PAG1: variants seen among roughly 807,000 people sequenced by gnomAD.
PAG1 encodes phosphoprotein associated with glycosphingolipid-enriched microdomains 1.
Under a neutral mutation model 31.7 loss-of-function variants are expected in PAG1, and 23 were observed. That is an observed-to-expected ratio of 0.73 (90% CI 0.52 to 1.03). PAG1 has a LOEUF of 1.03. PAG1 is among the 50% of genes least tolerant of loss of function. The probability of loss-of-function intolerance (pLI) is 0.00; values close to 1 mark genes in which losing one functional copy is unlikely to be tolerated. For missense variants in PAG1, 473 were observed against 540.7 expected (o/e 0.87, Z 1.24); for synonymous variants, 214 against 210.3 (o/e 1.02, Z -0.15).
intron 3 of PAG1, among the ~76,000 whole-genome samples, chr8:80,994,228 A>G (rs1807625502): frequency 6.6e-6 from 1 of 152,090 alleles, no homozygotes; most frequent in Admixed American, 6.5e-5. Context: ...ATTCACCTGC[A>G]TTTATTTATT....
chr8:81,035,525 A>C (rs1246578064), intron 2 of PAG1, among the ~76,000 whole-genome samples: 1 of 152,216 alleles, frequency 6.6e-6, no homozygotes, highest in Non-Finnish European at 1.5e-5. Flanking sequence ...GAGAGAGTAT[A>C]ATTAGTGATG....
chr8:81,044,657 A>C (rs16908458), intron 2 of PAG1, among the ~76,000 whole-genome samples: 6 of 151,580 alleles, frequency 4.0e-5, no homozygotes, highest in Non-Finnish European at 7.4e-5. Flanking sequence ...GTCAAGTCCA[A>C]CTCCTTAGAG....
Position 80,972,564 on chromosome 8 carries a change from T to A in PAG1, c.*3980A>T, listed in dbSNP as rs1202977218. The stretch of plus-strand genomic sequence containing the variant: ...GAGTCACGTTGTCTTGGCTTCGTCC[T>A]GGCTCAAGGTTACTAGTCTCTTGCT... On this transcript the variant is annotated 3_prime_UTR_variant, in exon 9 of 9. Coordinates refer to ENST00000220597, the MANE Select transcript of PAG1 (RefSeq NM_018440.4). 1.3e-5 allele frequency: 2 copies of A among 152,270 alleles called. No homozygotes were observed. The allele number at this position is 152,270 out of a possible 1,614,324, so 9.4% of individuals were successfully genotyped here. A position where few individuals can be genotyped will look rare whatever the true frequency, so the allele number is the denominator to read the frequency against.
At chr8:81,105,711 G>A (rs1809683178) in intron 1 of PAG1, among the ~76,000 whole-genome samples, 1 of 152,214 alleles carries the variant, frequency 6.6e-6, no homozygotes, top group Non-Finnish European at 1.5e-5. Context: ...ATGGTTTGGG[G>A]TGAAAGGATG....
At chr8:80,987,326 G>A (rs1586145135) in intron 6 of PAG1, 44 bp downstream of exon 6, 1 of 1,186,332 alleles carries the variant, frequency 8.4e-7, no homozygotes, top group East Asian at 2.3e-5. Context: ...ACTTCCAGAG[G>A]TGATGAGGCC....
chr8:81,021,518 ATGTG>A (rs59502689), intron 3 of PAG1, among the ~76,000 whole-genome samples: 10,189 of 139,456 alleles, frequency 0.073, 435 homozygotes, highest in African/African-American at 0.12. Context: ...GTGTGTGTGC[ATGTG>A]TGTGTGTGTG....
chr8:81,038,654 T>C (rs1485604667), intron 2 of PAG1, among the ~76,000 whole-genome samples: 3 of 152,122 alleles, frequency 2.0e-5, no homozygotes, highest in Non-Finnish European at 4.4e-5. Flanking sequence ...TGAGTACATA[T>C]ATATGTATGT....
chr8:81,037,804 C>T (rs551045918), intron 2 of PAG1, among the ~76,000 whole-genome samples: 40 of 152,322 alleles, frequency 2.6e-4, no homozygotes, highest in Non-Finnish European at 2.6e-4. Flanking sequence ...CTTTATTCAC[C>T]TCTCAATGTT....
chr8:81,062,984 A>G (rs923412192), intron 2 of PAG1, among the ~76,000 whole-genome samples: 2 of 152,212 alleles, frequency 1.3e-5, no homozygotes, highest in Non-Finnish European at 2.9e-5. Flanking sequence ...TTAAAAATCC[A>G]CTAAATAAAG....
intron 2 of PAG1, among the ~76,000 whole-genome samples, chr8:81,053,456 C>A (rs912567067): frequency 6.6e-6 from 1 of 152,156 alleles, no homozygotes; most frequent in Non-Finnish European, 1.5e-5. Context: ...AGAGACAGAC[C>A]ATAGTTATTT....
chr8:80,976,937 T>C, intron 8 of PAG1, 31 bp from the exon 9 acceptor site: 1 of 1,562,994 alleles, frequency 6.4e-7, no homozygotes, highest in Non-Finnish European at 8.6e-7. Flanking sequence ...TGAATAAACT[T>C]CCAGCTGTGA....
chr8:80,989,070 C>T (rs1025143997), intron 5 of PAG1, among the ~76,000 whole-genome samples: 4 of 152,214 alleles, frequency 2.6e-5, no homozygotes, highest in Non-Finnish European at 4.4e-5. Context: ...GCACACAAAC[C>T]TTTGCTAGTT....
In PAG1 at chr8:80,972,426, A is replaced by G. The variant is rs1376262778; in HGVS notation, c.*4118T>C. 1 of 152,246 alleles carries G rather than the reference A, an allele frequency of 6.6e-6. No individual in the cohort carries two copies. Among genetic ancestry groups the G allele is most frequent in the African/African-American group, 2.4e-5 (1 of 41,462 alleles). The allele number at this position is 152,246 out of a possible 1,614,324, so 9.4% of individuals were successfully genotyped here. On this transcript the variant is annotated 3_prime_UTR_variant, in exon 9 of 9. Transcript: ENST00000220597. ...TGGTATCAGACCAGCTTTTTCGCACATCCTATCACATCGCTGCCTGCTGAT... is the reference window on the plus strand; with the variant it reads ...TGGTATCAGACCAGCTTTTTCGCACGTCCTATCACATCGCTGCCTGCTGAT...
At chr8:81,047,054 A>C (rs910209048) in intron 2 of PAG1, among the ~76,000 whole-genome samples, 9 of 152,164 alleles carry the variant, frequency 5.9e-5, no homozygotes, top group African/African-American at 2.2e-4. Context: ...ACAGTATTCT[A>C]TGGTGCATAT....
chr8:81,103,277 G>C (rs1402351036), intron 1 of PAG1, among the ~76,000 whole-genome samples: 1 of 151,900 alleles, frequency 6.6e-6, no homozygotes, highest in Non-Finnish European at 1.5e-5. Context: ...TTGGTGCTTT[G>C]AGCAGACTAA....
Position 81,076,638 on chromosome 8 carries a change from C to T in PAG1, c.-233-6468G>A, listed in dbSNP as rs557364062. On this transcript the variant is annotated intron_variant, in intron 1 of 8. Coordinates refer to ENST00000220597, the MANE Select transcript of PAG1 (RefSeq NM_018440.4). Reference sequence around the variant, plus strand: ...GCAAAACAGAAAGAGAAATCTCTTACTTTCATGTAAAAATTATAGGGCAAC... The same window carrying T: ...GCAAAACAGAAAGAGAAATCTCTTATTTTCATGTAAAAATTATAGGGCAAC... Among the ~76,000 whole-genome samples, 3 of 152,290 alleles carry T rather than the reference C, an allele frequency of 2.0e-5. No individual in the cohort carries two copies. In the South Asian group the frequency reaches 6.2e-4, roughly 32 times the overall value.
intron 2 of PAG1, among the ~76,000 whole-genome samples, chr8:81,033,738 C>T (rs943333553): frequency 6.6e-6 from 1 of 152,210 alleles, no homozygotes; most frequent in Non-Finnish European, 1.5e-5. Flanking sequence ...CCAAACTAAC[C>T]TGAACTCTTG....
intron 6 of PAG1, among the ~76,000 whole-genome samples, chr8:80,987,118 G>A (rs1053647194): frequency 4.6e-5 from 7 of 152,112 alleles, no homozygotes. Context: ...ATTAGTACAT[G>A]TAAATGTACT....
At chr8:81,107,448 C>T (rs898694444) in intron 1 of PAG1, among the ~76,000 whole-genome samples, 1 of 152,156 alleles carries the variant, frequency 6.6e-6, no homozygotes, top group Non-Finnish European at 1.5e-5. Context: ...GGCAGCAGAA[C>T]GTTCTATAAG....
Sources: allele counts gnomAD v4.1 joint callset (sites outside exome capture counted in the v4.1 genomes callset), GRCh38; gene constraint gnomAD v4.1.1; transcripts MANE v1.5; gene names NCBI Gene and HGNC (gene_info 2026-07-23, HGNC 2026-07-21).